Variants in PAX9 observed in about 807,000 individuals in gnomAD.
PAX9 encodes the protein paired box 9, also known as paired box protein Pax-9.
A neutral mutation model predicts 29.1 loss-of-function variants in PAX9; 6 were observed. That is an observed-to-expected ratio of 0.21 (90% CI 0.11 to 0.41). The LOEUF (loss-of-function observed/expected upper bound fraction) is 0.41, where lower values mean the gene tolerates loss of function less well. PAX9 is among the 10% of genes least tolerant of loss of function. The pLI, the probability that PAX9 is intolerant of heterozygous loss-of-function variation, is 1.00. For synonymous variants in PAX9, 217 were observed against 211.7 expected, an observed-to-expected ratio of 1.03 and a Z score of -0.22; for missense variants, 443 against 479.1, an observed-to-expected ratio of 0.92 and a Z score of 0.70.
Position 36,663,302 on chromosome 14 carries a change from A to G in PAX9, c.410A>G (p.Gln137Arg). ...LRNKIGNLAQ[Q>R]GHYDSYKQHQ... The stretch of plus-strand genomic sequence containing the variant: ...AACAAGATCGGCAACTTGGCCCAGC[A>G]GGGTCATTACGACTCATACAAGCAG... Residue 137 changes from glutamine (Q) to arginine (R), a missense_variant, in exon 2 of 4, where the codon CAG becomes CGG. By Grantham distance (43) the Gln-to-Arg change is conservative. Around this residue, in one of 2 missense-constraint regions of PAX9, gnomAD observed 336 missense variants for 317.2 expected, o/e 1.06. Coordinates refer to ENST00000361487, the MANE Select transcript of PAX9 (RefSeq NM_001372076.1). 6.2e-7 allele frequency: 1 copy of G among 1,614,194 alleles called. No homozygotes were observed. The highest frequency in any genetic ancestry group is 2.2e-5 in the East Asian group (1 of 44,866).
rs765289055 is a variant in PAX9, at chr14:36,676,190, C to T, written c.772-8C>T. On this transcript the variant is annotated splice_region_variant and splice_polypyrimidine_tract_variant and intron_variant, in intron 3 of 3. Transcript: ENST00000361487. ...GATTATTTTTCACTTCTTTTCTACT[C>T]CTCTCAGGCACCAAATGGTCTCCCA... The T allele has an allele frequency of 2.2e-5, 35 of 1,613,880 alleles. 1 individual carries two copies. The South Asian group carries it at 3.8e-4, about 18-fold the overall frequency.
upstream of PAX9, among the ~76,000 whole-genome samples, chr14:36,661,384 AGTGAG>A (rs1276344414): frequency 1.3e-5 from 2 of 152,192 alleles, no homozygotes; most frequent in African/African-American, 4.8e-5. Context: ...CATGGACTGA[AGTGAG>A]GTAGAATCGG....
intron 3 of PAX9, among the ~76,000 whole-genome samples, chr14:36,667,756 A>C (rs1881560370): frequency 6.6e-6 from 1 of 152,214 alleles, no homozygotes; most frequent in Non-Finnish European, 1.5e-5. Flanking sequence ...TAACACAGAA[A>C]ATAGCAAGGA....
chr14:36,664,034 G>T (rs140486930), intron 2 of PAX9, among the ~76,000 whole-genome samples: 132 of 152,372 alleles, frequency 8.7e-4, no homozygotes, highest in African/African-American at 3.1e-3. Flanking sequence ...TGGTAATCAG[G>T]CCAAATTTGC....
chr14:36,666,262 G>A (rs1488386197), intron 2 of PAX9, 200 bp from the exon 3 acceptor site: 3 of 628,304 alleles, frequency 4.8e-6, no homozygotes, highest in Non-Finnish European at 8.3e-6. Flanking sequence ...GGCCTACTCT[G>A]AGGGGAGTAA....
upstream of PAX9, chr14:36,658,685 T>G (rs952884571): frequency 1.2e-4 from 19 of 152,216 alleles, no homozygotes; most frequent in Non-Finnish European, 7.3e-5. Flanking sequence ...AGATTCCCGT[T>G]GCTTCTCCGC....
Position 36,676,736 on chromosome 14 carries a change from G to C in PAX9, c.*284G>C. 2.1e-6 allele frequency: 1 copy of C among 469,728 alleles called. No homozygotes were observed. The highest frequency in any genetic ancestry group is 3.9e-6 in the Non-Finnish European group (1 of 255,578). 29.1% of individuals were successfully genotyped at this position (469,728 alleles called of 1,614,324 possible). A position where few individuals can be genotyped will look rare whatever the true frequency, so the allele number is the denominator to read the frequency against. On this transcript the variant is annotated 3_prime_UTR_variant, in exon 4 of 4. Transcript: ENST00000361487. Reference sequence around the variant, plus strand: ...CCACATACTGTCTTAACATAACAAAGAAACCTACACCCCTCAAAGGGTTTA... The same window carrying C: ...CCACATACTGTCTTAACATAACAAACAAACCTACACCCCTCAAAGGGTTTA...
upstream of PAX9, among the ~76,000 whole-genome samples, chr14:36,660,315 A>G (rs1881209937): frequency 6.6e-6 from 1 of 152,246 alleles, no homozygotes; most frequent in African/African-American, 2.4e-5. Context: ...TCAAACTTCA[A>G]GAAGATTTTA....
At chr14:36,662,842 C>A (rs544915305) in intron 1 of PAX9, 55 bp from the exon 2 acceptor site, 1 of 1,568,140 alleles carries the variant, frequency 6.4e-7, no homozygotes, top group Non-Finnish European at 8.6e-7. Flanking sequence ...CAGTGGCAGG[C>A]AGCTGTCCCA....
chr14:36,668,270 T>A (rs148545006), intron 3 of PAX9, among the ~76,000 whole-genome samples: 222 of 152,348 alleles, frequency 1.5e-3, no homozygotes, highest in African/African-American at 5.1e-3. Flanking sequence ...TAGGTCATCA[T>A]TGATTGGAAT....
Position 36,663,178 on chromosome 14 carries a change from G to A in PAX9, c.286G>A (p.Gly96Ser). The A allele has an allele frequency of 6.2e-7, 1 of 1,614,096 alleles. No individual in the cohort carries two copies. The highest frequency in any genetic ancestry group is 8.5e-7 in the Non-Finnish European group (1 of 1,180,040). ...HIRTYKQRDP[G>S]IFAWEIRDRL... ...CCGGACCTACAAGCAGAGAGACCCC[G>A]GCATCTTCGCCTGGGAGATCCGGGA... The change falls in exon 2 of 4, where the codon GGC (glycine) becomes AGC (serine). Residue 96 changes from glycine to serine, a missense_variant. This residue lies in a region of PAX9 where 107 missense variants were observed against 161.9 expected (regional missense o/e 0.66). Transcript: ENST00000361487.
Position 36,678,286 on chromosome 14 carries a change from A to C in PAX9, c.*1834A>C. On this transcript the variant is annotated 3_prime_UTR_variant, in exon 4 of 4. Coordinates refer to ENST00000361487, the MANE Select transcript of PAX9 (RefSeq NM_001372076.1). ...ATTTCTGACACACAAATTATGTTAG[A>C]GTGACTGCTTTTTTCAGACAGCAGA... The C allele has an allele frequency of 1.7e-6, 1 of 579,574 alleles. No individual in the cohort carries two copies. Among genetic ancestry groups the C allele is most frequent in the East Asian group, 2.8e-5 (1 of 35,986 alleles). 35.9% of individuals were successfully genotyped at this position (579,574 alleles called of 1,614,324 possible). A position where few individuals can be genotyped will look rare whatever the true frequency, so the allele number is the denominator to read the frequency against.
At chr14:36,658,377 G>GA (rs1339503072), upstream of PAX9, among the ~76,000 whole-genome samples, 2 of 151,532 alleles carry the variant, frequency 1.3e-5, no homozygotes, top group Admixed American at 1.3e-4. Context: ...CTCGCTTGGG[G>GA]GGGGGGGGTC....
intron 1 of PAX9, 27 bp from the exon 2 acceptor site, chr14:36,662,870 C>A: frequency 6.3e-7 from 1 of 1,598,576 alleles, no homozygotes; most frequent in Non-Finnish European, 8.5e-7. Context: ...GGTGCGCGTC[C>A]CTGCGCGCTG....
rs1882037735 is a variant in PAX9, at chr14:36,678,791, T to C, written c.*2339T>C. On this transcript the variant is annotated 3_prime_UTR_variant, in exon 4 of 4. Coordinates refer to ENST00000361487, the MANE Select transcript of PAX9 (RefSeq NM_001372076.1). Reference sequence around the variant, plus strand: ...TTAAAAAATCTAATATTAATGGTATTGAAGTTTCCTTTTCTCCCTCTAGGT... The same window carrying C: ...TTAAAAAATCTAATATTAATGGTATCGAAGTTTCCTTTTCTCCCTCTAGGT... 2 of 1,030,114 alleles carry C rather than the reference T, an allele frequency of 1.9e-6. No individual in the cohort carries two copies. The highest frequency in any genetic ancestry group is 2.4e-6 in the Non-Finnish European group (2 of 848,578). 63.8% of individuals were successfully genotyped at this position (1,030,114 alleles called of 1,614,324 possible). A position where few individuals can be genotyped will look rare whatever the true frequency, so the allele number is the denominator to read the frequency against.
In PAX9 at chr14:36,663,087, G is replaced by T. The variant is rs745548814; in HGVS notation, c.195G>T (p.Ser65=). The change falls in exon 2 of 4, where the codon TCG becomes TCT. Residue 65 remains serine (S), a synonymous_variant. Coordinates refer to ENST00000361487, the MANE Select transcript of PAX9 (RefSeq NM_001372076.1). ...KILARYNETG[S]ILPGAIGGSK... ...TGGCGCGATACAACGAGACGGGCTC[G>T]ATCTTGCCAGGAGCCATCGGGGGCA... is the stretch of plus-strand genomic sequence containing the variant. The T allele has an allele frequency of 3.7e-6, 6 of 1,613,818 alleles. No individual in the cohort carries two copies. Among genetic ancestry groups the T allele is most frequent in the East Asian group, 2.2e-5 (1 of 44,866 alleles).
Position 36,676,902 on chromosome 14 carries a change from C to T in PAX9, c.*450C>T, listed in dbSNP as rs559930165. The T allele has an allele frequency of 5.0e-6, 1 of 199,988 alleles. No homozygotes were observed. The highest frequency in any genetic ancestry group is 8.9e-5 in the South Asian group (1 of 11,198). The allele number at this position is 199,988 out of a possible 1,614,324, so 12.4% of individuals were successfully genotyped here. A position where few individuals can be genotyped will look rare whatever the true frequency, so the allele number is the denominator to read the frequency against. ...CTTATAGAAAAAATTATGCTACACCCTCTAATCAAATATGGTAACCAAGTA... is the reference window on the plus strand; with the variant it reads ...CTTATAGAAAAAATTATGCTACACCTTCTAATCAAATATGGTAACCAAGTA... On this transcript the variant is annotated 3_prime_UTR_variant, in exon 4 of 4. Transcript: ENST00000361487.
upstream of PAX9, among the ~76,000 whole-genome samples, chr14:36,660,050 A>AG (rs200381969): frequency 9.7e-3 from 1,475 of 152,224 alleles, 4 homozygotes; most frequent in South Asian, 0.018. Flanking sequence ...CCTGTCTGTG[A>AG]GGGGGGAGGA....
chr14:36,666,271 A>G (rs1362022967), intron 2 of PAX9, 191 bp from the exon 3 acceptor site: 4 of 657,682 alleles, frequency 6.1e-6, no homozygotes, highest in Non-Finnish European at 1.0e-5. Context: ...TGAGGGGAGT[A>G]AAACTTCACC....
Sources: allele counts gnomAD v4.1 joint callset (sites outside exome capture counted in the v4.1 genomes callset), GRCh38; gene constraint gnomAD v4.1.1; regional missense constraint gnomAD v4.1.1; transcripts MANE v1.5; gene names NCBI Gene and HGNC (gene_info 2026-07-23, HGNC 2026-07-21).